Variants in FBLN7 observed in about 807,000 individuals in gnomAD.
The protein encoded by FBLN7 is fibulin-7.
In FBLN7, 31 loss-of-function variants were observed where a neutral mutation model predicts 44.0. That is an observed-to-expected ratio of 0.70 (90% CI 0.53 to 0.95). The LOEUF is 0.95. Among genes scored for constraint, FBLN7 ranks in the 40% least tolerant of loss-of-function variants. FBLN7 has a pLI of 0.00. For synonymous variants in FBLN7, 262 were observed against 253.4 expected (o/e 1.03, Z -0.32); for missense variants, 573 against 618.5 (o/e 0.93, Z 0.78).
In FBLN7 at chr2:112,154,972, A is replaced by G. The variant is rs7609201; in HGVS notation, c.76-4704A>G. 4.1e-3 allele frequency among the ~76,000 whole-genome samples: 626 copies of G among 152,314 alleles called. 3 individuals are homozygous for G. The highest frequency in any genetic ancestry group is 0.015 in the African/African-American group (607 of 41,572). ...TAGAGCCTGCATCCTGTGGGGCTGC[A>G]TGGTGACGTCTGTGCAAGGGAGCAC... is the stretch of plus-strand genomic sequence containing the variant. On this transcript the variant is annotated intron_variant, in intron 1 of 7. Coordinates refer to ENST00000331203, the MANE Select transcript of FBLN7 (RefSeq NM_153214.3).
chr2:112,166,293 T>G (rs753745203), intron 3 of FBLN7, among the ~76,000 whole-genome samples: 23 of 152,194 alleles, frequency 1.5e-4, no homozygotes, highest in Non-Finnish European at 2.9e-4. Context: ...TCAAGTTATC[T>G]GCCTGCCTCG....
chr2:112,166,858 T>C (rs1381986165), intron 3 of FBLN7, among the ~76,000 whole-genome samples: 3 of 152,160 alleles, frequency 2.0e-5, no homozygotes, highest in Non-Finnish European at 4.4e-5. Context: ...AGCTGCCTCG[T>C]CCTCTCTGGG....
the FBLN7 span, among the ~76,000 whole-genome samples, chr2:112,195,109 T>TTCCAACAA: frequency 6.6e-6 from 1 of 152,174 alleles, no homozygotes; most frequent in African/African-American, 2.4e-5. Context: ...CAAAGAGGAT[T>TTCCAACAA]TCCAACAAAA....
intron 4 of FBLN7, chr2:112,177,422 C>T (rs1364207658): frequency 6.6e-6 from 1 of 152,364 alleles, no homozygotes; most frequent in Non-Finnish European, 1.5e-5. Flanking sequence ...TGTCCCTCAG[C>T]CTGACACCTT....
the FBLN7 span, chr2:112,230,989 T>C: frequency 1.7e-6 from 2 of 1,167,364 alleles, no homozygotes; most frequent in Non-Finnish European, 2.3e-6. Flanking sequence ...TTTTTATGCA[T>C]TCATGTGTAA....
At chr2:112,156,074 G>A (rs1444890813) in intron 1 of FBLN7, among the ~76,000 whole-genome samples, 1 of 152,224 alleles carries the variant, frequency 6.6e-6, no homozygotes, top group Non-Finnish European at 1.5e-5. Flanking sequence ...ATGTGGGCAA[G>A]GACGTCTCCT....
chr2:112,144,523 C>CTTT (rs35764058), intron 1 of FBLN7, among the ~76,000 whole-genome samples: 4 of 123,790 alleles, frequency 3.2e-5, no homozygotes, highest in Middle Eastern at 3.8e-3. Flanking sequence ...GTTTTCTTTT[C>CTTT]TTTTTTTTTT....
chr2:112,214,376 G>C, the FBLN7 span: 2 of 152,124 alleles, frequency 1.3e-5, no homozygotes, highest in African/African-American at 4.8e-5. Flanking sequence ...ATTCAATAGA[G>C]CCATGATAAC....
At chr2:112,160,546 A>G (rs1020494428) in intron 2 of FBLN7, among the ~76,000 whole-genome samples, 55 of 152,102 alleles carry the variant, frequency 3.6e-4, no homozygotes, top group African/African-American at 1.3e-3. Flanking sequence ...TTCATTTTTG[A>G]TTTTACTTTA....
intron 2 of FBLN7, among the ~76,000 whole-genome samples, chr2:112,160,831 T>C (rs7422609): frequency 0.088 from 10,890 of 123,516 alleles, 511 homozygotes; most frequent in African/African-American, 0.16. Flanking sequence ...CAAGCACGCA[T>C]ACACGCACGC....
chr2:112,155,403 G>A (rs1292284850), intron 1 of FBLN7, among the ~76,000 whole-genome samples: 1 of 152,220 alleles, frequency 6.6e-6, no homozygotes, highest in African/African-American at 2.4e-5. Flanking sequence ...CAAAGGCACG[G>A]ATACTCTCTG....
At chr2:112,182,963 C>G in intron 6 of FBLN7, 35 bp downstream of exon 6, 9 of 1,605,444 alleles carry the variant, frequency 5.6e-6, no homozygotes, top group Non-Finnish European at 7.6e-6. Flanking sequence ...CTGCACCCAG[C>G]CACCTGCTGC....
chr2:112,197,274 C>CACACACACACAG, the FBLN7 span, among the ~76,000 whole-genome samples: 4,725 of 98,022 alleles, frequency 0.048, 184 homozygotes, highest in Non-Finnish European at 0.077. Context: ...CACACACACA[C>CACACACACACAG]AGAGAGAGAG....
intron 1 of FBLN7, among the ~76,000 whole-genome samples, chr2:112,150,367 T>G (rs964135390): frequency 6.6e-6 from 1 of 151,708 alleles, no homozygotes; most frequent in African/African-American, 2.4e-5. Context: ...GACAGGGGTC[T>G]CTGCTGTACC....
chr2:112,210,342 A>C, the FBLN7 span, among the ~76,000 whole-genome samples: 1 of 151,986 alleles, frequency 6.6e-6, no homozygotes, highest in Admixed American at 6.5e-5. Flanking sequence ...CTCGCTGTTG[A>C]AGAAGGTTGT....
In FBLN7 at chr2:112,187,713, T is replaced by C. The variant is rs1335184469; in HGVS notation, c.*207T>C. ...CTCAACTGCTGCCATCACTCTTTTT[T>C]TTTTTCTGCTTTGAGGCCCTTCCCT... On this transcript the variant is annotated 3_prime_UTR_variant, in exon 8 of 8. Coordinates refer to ENST00000331203, the MANE Select transcript of FBLN7 (RefSeq NM_153214.3). This position sits in a 1 kb window ranked among gnomAD's most constrained non-coding sequence, Gnocchi z 5.1. 9 of 619,502 alleles carry C rather than the reference T, an allele frequency of 1.5e-5. No homozygotes were observed. The African/African-American group carries it at 1.5e-4, about 10-fold the overall frequency. The allele number at this position is 619,502 out of a possible 1,614,324, so 38.4% of individuals were successfully genotyped here.
At chr2:112,239,065 T>C in the FBLN7 span, among the ~76,000 whole-genome samples, 1 of 152,352 alleles carries the variant, frequency 6.6e-6, no homozygotes, top group East Asian at 1.9e-4. Flanking sequence ...GCAGCAATGA[T>C]GACAAGGAAT....
chr2:112,147,199 C>A lies in FBLN7; in HGVS notation c.75+8469C>A, dbSNP rs985808984. Among the ~76,000 whole-genome samples, 4 of 152,150 alleles carry A rather than the reference C, an allele frequency of 2.6e-5. No homozygotes were observed. The East Asian group carries it at 7.7e-4, about 29-fold the overall frequency. On this transcript the variant is annotated intron_variant, in intron 1 of 7. Transcript: ENST00000331203. ...CCTGGAGACTTCTGGAAAGTTTTAA[C>A]TATGAATTCAATTTCTTAGATACAG... is the stretch of plus-strand genomic sequence containing the variant.
At chr2:112,150,791 G>C (rs1681120910) in intron 1 of FBLN7, among the ~76,000 whole-genome samples, 1 of 152,146 alleles carries the variant, frequency 6.6e-6, no homozygotes, top group Non-Finnish European at 1.5e-5. Flanking sequence ...CAAAGACCAG[G>C]TCCATAACAA....
Sources: allele counts gnomAD v4.1 joint callset (sites outside exome capture counted in the v4.1 genomes callset), GRCh38; gene constraint gnomAD v4.1.1; non-coding constraint Gnocchi (gnomAD v3.1); transcripts MANE v1.5; gene names NCBI Gene and HGNC (gene_info 2026-07-23, HGNC 2026-07-21).